The following ANTXR1 variants were observed in gnomAD, a reference collection of about 807,000 sequenced individuals.
ANTXR1 encodes the protein anthrax toxin receptor 1.
ANTXR1 carries 19 observed loss-of-function variants against 78.1 expected under a neutral mutation model. The observed-to-expected ratio is 0.24, with a 90% CI of 0.17 to 0.36. The LOEUF is 0.36. Ranked by LOEUF, ANTXR1 falls within the 10% of genes least tolerant of loss-of-function variation. ANTXR1 has a pLI of 1.00. For synonymous variants in ANTXR1, 273 were observed against 260.5 expected, an observed-to-expected ratio of 1.05 and a Z score of -0.46; for missense variants, 518 against 718.6, an observed-to-expected ratio of 0.72 and a Z score of 3.19.
At chr2:69,146,214 A>AT in intron 12 of ANTXR1, 1 of 985,356 alleles carries the variant, frequency 1.0e-6, no homozygotes, top group South Asian at 4.7e-5. Flanking sequence ...ATTGAAGAAA[A>AT]TGGATGATCC....
intron 13 of ANTXR1, among the ~76,000 whole-genome samples, chr2:69,161,555 C>G (rs1164438419): frequency 6.6e-6 from 1 of 152,210 alleles, no homozygotes; most frequent in Non-Finnish European, 1.5e-5. Flanking sequence ...CATGAGGTCT[C>G]TATTCAATTG....
At chr2:69,142,978 A>G (rs1380568146) in intron 12 of ANTXR1, among the ~76,000 whole-genome samples, 1 of 152,234 alleles carries the variant, frequency 6.6e-6, no homozygotes, top group Non-Finnish European at 1.5e-5. Context: ...ATAAATGTGA[A>G]TGTATACTTT....
rs1018345446 is a variant in ANTXR1, at chr2:69,248,434, C to A, written c.*2949C>A. 3 of 153,896 alleles carry A rather than the reference C, an allele frequency of 1.9e-5. No homozygotes were observed. Among genetic ancestry groups the A allele is most frequent in the African/African-American group, 7.2e-5 (3 of 41,424 alleles). 9.5% of individuals were successfully genotyped at this position (153,896 alleles called of 1,614,324 possible). A position where few individuals can be genotyped will look rare whatever the true frequency, so the allele number is the denominator to read the frequency against. On this transcript the variant is annotated 3_prime_UTR_variant, in exon 18 of 18. Transcript: ENST00000303714. Reference sequence around the variant, plus strand: ...ACAAATAGTTACTGAAATGACGAGACCCTTGTTTGCACAGCATTAATAAGA... The same window carrying A: ...ACAAATAGTTACTGAAATGACGAGAACCTTGTTTGCACAGCATTAATAAGA...
chr2:69,015,071 TAAA>T (rs773687268), intron 1 of ANTXR1, among the ~76,000 whole-genome samples: 7 of 121,882 alleles, frequency 5.7e-5, no homozygotes, highest in African/African-American at 1.4e-4. Flanking sequence ...CAGGAAAATC[TAAA>T]AAAAAAAAAA....
chr2:69,229,150 C>G (rs1675530702), intron 17 of ANTXR1, among the ~76,000 whole-genome samples: 1 of 152,166 alleles, frequency 6.6e-6, no homozygotes, highest in African/African-American at 2.4e-5. Context: ...AAATACTATC[C>G]CACTGGAGGC....
In ANTXR1 at chr2:69,109,146, G is replaced by A. The variant is rs970480908; in HGVS notation, c.802+6206G>A. Among the ~76,000 whole-genome samples the A allele has an allele frequency of 2.0e-5, 3 of 152,170 alleles. No individual in the cohort carries two copies. The East Asian group carries it at 5.8e-4, about 29-fold the overall frequency. ...AGTATGGCAATAATAGCCATACTAT[G>A]TCTTGGGTTGTTATGAGGTTTAAAT... is the stretch of plus-strand genomic sequence containing the variant. On this transcript the variant is annotated intron_variant, in intron 10 of 17. Transcript: ENST00000303714.
chr2:69,193,442 GTCTCTC>G (rs10627389), intron 17 of ANTXR1, 27 bp downstream of exon 17: 27 of 1,228,632 alleles, frequency 2.2e-5, no homozygotes, highest in African/African-American at 7.1e-5. Context: ...CATTAATGGT[GTCTCTC>G]TCTCTCTCTC....
At chr2:69,046,185 G>C (rs911120405) in intron 3 of ANTXR1, among the ~76,000 whole-genome samples, 1 of 152,134 alleles carries the variant, frequency 6.6e-6, no homozygotes, top group African/African-American at 2.4e-5. Flanking sequence ...ACAACCCGAG[G>C]CTTCCTAGTG....
chr2:69,100,381 C>G (rs911685281), intron 9 of ANTXR1, among the ~76,000 whole-genome samples: 1 of 152,114 alleles, frequency 6.6e-6, no homozygotes, highest in African/African-American at 2.4e-5. Context: ...GGTGCACTCC[C>G]CAGAGCATCA....
intron 14 of ANTXR1, among the ~76,000 whole-genome samples, chr2:69,181,575 G>A (rs1240062168): frequency 6.6e-6 from 1 of 152,180 alleles, no homozygotes; most frequent in African/African-American, 2.4e-5. Context: ...AAACTTACCA[G>A]GTAGCACTGC....
intron 17 of ANTXR1, among the ~76,000 whole-genome samples, chr2:69,222,170 T>C (rs1675335597): frequency 6.6e-6 from 1 of 152,138 alleles, no homozygotes; most frequent in Non-Finnish European, 1.5e-5. Context: ...TAAAAATCAC[T>C]CTCCTGTCTT....
At chr2:69,047,641 G>A (rs558581411) in intron 3 of ANTXR1, among the ~76,000 whole-genome samples, 1 of 151,936 alleles carries the variant, frequency 6.6e-6, no homozygotes, top group Non-Finnish European at 1.5e-5. Context: ...ACTTGAGTTG[G>A]GGGGGGAAAT....
intron 14 of ANTXR1, among the ~76,000 whole-genome samples, chr2:69,178,330 G>A (rs1000859142): frequency 2.6e-5 from 4 of 152,208 alleles, no homozygotes; most frequent in Admixed American, 6.5e-5. Flanking sequence ...TCAGCCCCTG[G>A]GCCTTTGTGC....
At chr2:69,051,518 T>C (rs1403096833) in intron 3 of ANTXR1, among the ~76,000 whole-genome samples, 4 of 152,150 alleles carry the variant, frequency 2.6e-5, no homozygotes, top group South Asian at 4.1e-4. Context: ...TCTAGAGTCA[T>C]GGAAGTTTTT....
chr2:69,193,482 C>T, intron 17 of ANTXR1, 67 bp downstream of exon 17: 2 of 1,284,274 alleles, frequency 1.6e-6, no homozygotes, highest in Admixed American at 1.7e-5. Flanking sequence ...CACACACACA[C>T]ACACACACAT....
Position 69,247,909 on chromosome 2 carries a change from T to C in ANTXR1, c.*2424T>C, listed in dbSNP as rs916386935. 2 of 152,426 alleles carry C rather than the reference T, an allele frequency of 1.3e-5. No individual in the cohort carries two copies. Among genetic ancestry groups the C allele is most frequent in the African/African-American group, 4.8e-5 (2 of 41,476 alleles). 9.4% of individuals were successfully genotyped at this position (152,426 alleles called of 1,614,324 possible). On this transcript the variant is annotated 3_prime_UTR_variant, in exon 18 of 18. Coordinates refer to ENST00000303714, the MANE Select transcript of ANTXR1 (RefSeq NM_032208.3). The stretch of plus-strand genomic sequence containing the variant: ...GTTTCGGCAAAGCATTTTGATGGAA[T>C]AGGGAACTGCAAATGTATGATGATT...
intron 1 of ANTXR1, among the ~76,000 whole-genome samples, chr2:69,017,133 C>T (rs1671049074): frequency 6.6e-6 from 1 of 152,194 alleles, no homozygotes. Flanking sequence ...CAGCTTACCA[C>T]CTCCATCCAG....
At chr2:69,117,752 G>A (rs188310019) in intron 10 of ANTXR1, among the ~76,000 whole-genome samples, 1 of 152,222 alleles carries the variant, frequency 6.6e-6, no homozygotes, top group African/African-American at 2.4e-5. Context: ...ACTTGAATGC[G>A]ATATTATTGA....
intron 1 of ANTXR1, among the ~76,000 whole-genome samples, chr2:69,032,938 A>T (rs6711429): frequency 0.37 from 56,374 of 152,086 alleles, 15,605 homozygotes; most frequent in African/African-American, 0.75. Flanking sequence ...ACATTCTTTT[A>T]GTTACTGTAT....
Sources: allele counts gnomAD v4.1 joint callset (sites outside exome capture counted in the v4.1 genomes callset), GRCh38; gene constraint gnomAD v4.1.1; transcripts MANE v1.5; gene names NCBI Gene and HGNC (gene_info 2026-07-23, HGNC 2026-07-21).